Variants in IGSF5 observed in about 807,000 individuals in gnomAD.
The protein encoded by IGSF5 is immunoglobulin superfamily 5 like.
Under a neutral mutation model 39.4 loss-of-function variants are expected in IGSF5, and 41 were observed. The observed-to-expected ratio is 1.04, with a 90% CI of 0.81 to 1.35. The LOEUF is 1.35. IGSF5 is among the 40% of genes most tolerant of loss of function. IGSF5 has a pLI of 0.00. For missense variants in IGSF5, 487 were observed against 494.6 expected, an observed-to-expected ratio of 0.98 and a Z score of 0.15; for synonymous variants, 183 against 175.3, an observed-to-expected ratio of 1.04 and a Z score of -0.34.
intron 3 of IGSF5, among the ~76,000 whole-genome samples, chr21:39,768,041 T>G (rs2080095264): frequency 6.6e-6 from 1 of 152,230 alleles, no homozygotes; most frequent in Admixed American, 6.5e-5. Flanking sequence ...GTCACAAGTC[T>G]ACAAATTTGT....
chr21:39,774,427 C>T (rs1219196890), intron 4 of IGSF5, among the ~76,000 whole-genome samples: 4 of 152,210 alleles, frequency 2.6e-5, no homozygotes, highest in Admixed American at 6.5e-5. Flanking sequence ...ACAGGAATGA[C>T]GTCAGCTTTG....
intron 7 of IGSF5, among the ~76,000 whole-genome samples, chr21:39,792,988 A>G (rs2086974412): frequency 6.9e-6 from 1 of 144,444 alleles, no homozygotes; most frequent in South Asian, 2.3e-4. Flanking sequence ...CAAAAATTGG[A>G]GCTCTATTTT....
chr21:39,718,054 T>G, the IGSF5 span, among the ~76,000 whole-genome samples: 1 of 151,778 alleles, frequency 6.6e-6, no homozygotes, highest in Admixed American at 6.6e-5. Context: ...TGTAGAGATC[T>G]TTCACATCCC....
chr21:39,740,808 G>A (rs573275877), upstream of IGSF5, among the ~76,000 whole-genome samples: 129 of 152,318 alleles, frequency 8.5e-4, no homozygotes, highest in African/African-American at 3.0e-3. Flanking sequence ...CGCAGCATTG[G>A]CCCTTCAAGT....
chr21:39,745,055 A>G, upstream of IGSF5, among the ~76,000 whole-genome samples: 1 of 116,810 alleles, frequency 8.6e-6, no homozygotes, highest in East Asian at 2.1e-4. Flanking sequence ...AATAGGGCAC[A>G]CTTTTTTTTT....
chr21:39,789,283 A>G (rs1440310749), intron 6 of IGSF5, among the ~76,000 whole-genome samples: 1 of 152,228 alleles, frequency 6.6e-6, no homozygotes, highest in Non-Finnish European at 1.5e-5. Flanking sequence ...GGTAGAGGAT[A>G]ACAACAACTA....
At chr21:39,776,918 C>A (rs1018350) in intron 4 of IGSF5, among the ~76,000 whole-genome samples, 119,203 of 152,168 alleles carry the variant, frequency 0.78, 46,816 homozygotes, top group Admixed American at 0.84. Context: ...AACTTCAGTT[C>A]GTAAGAGTCC....
At chr21:39,746,718 TG>T (rs2079977088) in intron 2 of IGSF5, among the ~76,000 whole-genome samples, 2 of 152,194 alleles carry the variant, frequency 1.3e-5, no homozygotes, top group African/African-American at 2.4e-5. Context: ...GCTTGCGTGC[TG>T]TGAATAATAA....
intron 2 of IGSF5, among the ~76,000 whole-genome samples, chr21:39,748,606 C>T (rs1040574081): frequency 9.9e-5 from 15 of 152,210 alleles, no homozygotes; most frequent in South Asian, 6.2e-4. Context: ...AGTCCCATCA[C>T]GAGGGCTCCA....
chr21:39,736,077 A>G, the IGSF5 span, among the ~76,000 whole-genome samples: 2 of 152,246 alleles, frequency 1.3e-5, no homozygotes, highest in South Asian at 4.1e-4. Context: ...AGTATGTACC[A>G]GCCTCTTTTA....
intron 8 of IGSF5, among the ~76,000 whole-genome samples, chr21:39,800,762 G>A (rs890189782): frequency 3.3e-5 from 5 of 152,182 alleles, no homozygotes; most frequent in African/African-American, 1.2e-4. Flanking sequence ...GGCCACTCTG[G>A]AGGATTAAAT....
chr21:39,766,574 CAA>C, intron 3 of IGSF5, among the ~76,000 whole-genome samples: 1 of 152,166 alleles, frequency 6.6e-6, no homozygotes, highest in Non-Finnish European at 1.5e-5. Flanking sequence ...CCAAATATAT[CAA>C]GTCATTGAGA....
At chr21:39,791,940 A>G (rs938622873) in intron 6 of IGSF5, 68 bp from the exon 7 acceptor site, 1 of 1,013,600 alleles carries the variant, frequency 9.9e-7, no homozygotes, top group Non-Finnish European at 1.5e-6. Context: ...GTAGGTATCC[A>G]TTGCCAATTA....
At chr21:39,719,896 A>G in the IGSF5 span, among the ~76,000 whole-genome samples, 5 of 152,224 alleles carry the variant, frequency 3.3e-5, no homozygotes, top group Admixed American at 3.3e-4. Context: ...CGTTATTCTC[A>G]TAGTCACGAA....
chr21:39,733,017 C>A, the IGSF5 span, among the ~76,000 whole-genome samples: 38 of 151,414 alleles, frequency 2.5e-4, no homozygotes, highest in African/African-American at 7.8e-4. Flanking sequence ...CAGAGTGAGA[C>A]CCTGTCTCAA....
At chr21:39,779,970 G>A (rs60100440) in intron 5 of IGSF5, among the ~76,000 whole-genome samples, 1 of 152,166 alleles carries the variant, frequency 6.6e-6, no homozygotes, top group Non-Finnish European at 1.5e-5. Context: ...AAATTCTGTA[G>A]ATCTACTGTA....
the IGSF5 span, among the ~76,000 whole-genome samples, chr21:39,738,649 G>C: frequency 6.6e-6 from 1 of 152,148 alleles, no homozygotes; most frequent in Non-Finnish European, 1.5e-5. This position sits in a 1 kb window ranked among gnomAD's most constrained non-coding sequence, Gnocchi z 6.4. Flanking sequence ...ACACTGCGGA[G>C]AGGTGACAAA....
the IGSF5 span, among the ~76,000 whole-genome samples, chr21:39,718,065 T>C: frequency 2.0e-5 from 3 of 150,338 alleles, no homozygotes; most frequent in Middle Eastern, 3.4e-3. Context: ...TTCACATCCC[T>C]GGTTAGCTGT....
chr21:39,729,006 T>A, the IGSF5 span: 1 of 152,226 alleles, frequency 6.6e-6, no homozygotes, highest in Non-Finnish European at 1.5e-5. Context: ...AATAATTTAC[T>A]TTCTCTGTAG....
Sources: gnomAD v4.1 joint callset for allele counts (sites outside exome capture counted in the v4.1 genomes callset) on GRCh38, gnomAD v4.1.1 for gene constraint, Gnocchi (gnomAD v3.1) non-coding constraint, MANE v1.5 for transcripts, NCBI Gene and HGNC (gene_info 2026-07-23, HGNC 2026-07-21) for gene names.